The following COL9A1 variants were observed in gnomAD, a reference collection of about 807,000 sequenced individuals.
The protein encoded by COL9A1 is collagen type IX alpha 1 chain.
A neutral mutation model predicts 142.6 loss-of-function variants in COL9A1; 104 were observed. That is an observed-to-expected ratio of 0.73 (90% CI 0.62 to 0.86). COL9A1 has a LOEUF of 0.86. Among genes scored for constraint, COL9A1 ranks in the 40% least tolerant of loss-of-function variants. The probability of loss-of-function intolerance (pLI) is 0.00; values close to 1 mark genes in which losing one functional copy is unlikely to be tolerated. For missense variants in COL9A1, 1,210 were observed against 1,176.6 expected (o/e 1.03, Z -0.42); for synonymous variants, 466 against 396.0 (o/e 1.18, Z -2.10).
chr6:70,250,428 A>G (rs1770869821), intron 28 of COL9A1, among the ~76,000 whole-genome samples: 1 of 152,190 alleles, frequency 6.6e-6, no homozygotes, highest in South Asian at 2.1e-4. Context: ...TGTGGAAAGT[A>G]TTTTAATTAG....
rs1405483558 is a variant in COL9A1 at position 70,216,207 on chromosome 6, A to G, written c.*690T>C. The stretch of plus-strand genomic sequence containing the variant: ...TTAAAATAAATAATCTCATCAATAA[A>G]ATTTATGAATGCCAGAGTATTAAAA... On this transcript the variant is annotated 3_prime_UTR_variant, in exon 38 of 38. Coordinates refer to ENST00000357250, the MANE Select transcript of COL9A1 (RefSeq NM_001851.6). 1 of 152,652 alleles carries G rather than the reference A, an allele frequency of 6.6e-6. No individual in the cohort carries two copies. Among genetic ancestry groups the G allele is most frequent in the East Asian group, 1.9e-4 (1 of 5,202 alleles). The allele number at this position is 152,652 out of a possible 1,614,324, so 9.5% of individuals were successfully genotyped here. A position where few individuals can be genotyped will look rare whatever the true frequency, so the allele number is the denominator to read the frequency against.
In COL9A1 at chr6:70,263,272, A is replaced by G; in HGVS notation, c.1367T>C (p.Leu456Pro). Residue 456 changes from leucine to proline, a missense_variant, in exon 19 of 38, where the codon CTC becomes CCC. Physicochemically the swap from Leu to Pro is moderately conservative, Grantham distance 98 (BLOSUM62 -3). Coordinates refer to ENST00000357250, the MANE Select transcript of COL9A1 (RefSeq NM_001851.6). ...AGGTCCTTGAGCTCCAACTTCTCCG[A>G]GTTCTCCCTGGTCACCTTCTTCACC... is the stretch of plus-strand genomic sequence containing the variant. ...HKGEEGDQGE[L>P]GEVGAQGPPG... 2 of 1,609,714 alleles carry G rather than the reference A, an allele frequency of 1.2e-6. No homozygotes were observed. The highest frequency in any genetic ancestry group is 1.7e-6 in the Non-Finnish European group (2 of 1,177,764).
intron 4 of COL9A1, among the ~76,000 whole-genome samples, chr6:70,296,364 T>C (rs1359664110): frequency 2.0e-5 from 3 of 152,260 alleles, no homozygotes; most frequent in Non-Finnish European, 2.9e-5. Context: ...AAGTTTTCAG[T>C]TCACTACCTA....
At position 70,263,828 on chromosome 6, in the gene COL9A1, C is replaced by T. The variant is rs75429106; in HGVS notation, c.1342-531G>A. Among the ~76,000 whole-genome samples, 786 of 151,818 alleles carry T rather than the reference C, an allele frequency of 5.2e-3. 10 individuals carry two copies. Among genetic ancestry groups the T allele is most frequent in the African/African-American group, 0.018 (739 of 41,478 alleles). ...TCAGCCATTTCTTTCATGGGTTATA[C>T]CTCCTGATGTCACTCATAGAAAAGC... On this transcript the variant is annotated intron_variant, in intron 18 of 37. Transcript: ENST00000357250.
At chr6:70,293,629 T>A (rs1583346323) in intron 5 of COL9A1, among the ~76,000 whole-genome samples, 2 of 102,610 alleles carry the variant, frequency 1.9e-5, no homozygotes, top group Admixed American at 1.0e-4. Flanking sequence ...TCTCTCTCTC[T>A]TTCACACACA....
At chr6:70,235,048 T>C (rs1769819080) in intron 33 of COL9A1, 108 bp from the exon 34 acceptor site, 1 of 1,345,000 alleles carries the variant, frequency 7.4e-7, no homozygotes, top group Non-Finnish European at 1.0e-6. Context: ...GCACTCTGCA[T>C]CCTAACAGGT....
chr6:70,283,385 G>T, intron 6 of COL9A1: 1 of 776,484 alleles, frequency 1.3e-6, no homozygotes, highest in Non-Finnish European at 2.0e-6. Flanking sequence ...GCAGCTTCTG[G>T]CTGTCCTCGG....
At chr6:70,263,326 A>G (rs757614672) in intron 18 of COL9A1, 29 bp from the exon 19 acceptor site, 1 of 1,593,754 alleles carries the variant, frequency 6.3e-7, no homozygotes, top group Admixed American at 1.7e-5. Flanking sequence ...AAAGAAAAGC[A>G]CACCAAATGT....
At position 70,240,751 on chromosome 6, in the gene COL9A1, A is replaced by G. The variant is rs1428282304; in HGVS notation, c.2035-18T>C. 1.2e-6 allele frequency: 2 copies of G among 1,607,560 alleles called. No homozygotes were observed. Among genetic ancestry groups the G allele is most frequent in the East Asian group, 4.5e-5 (2 of 44,822 alleles). ...GAGGCACCCTAAAAATTAAGATAAA[A>G]GGTTACATTTTAAAATTCTTAGTCC... On this transcript the variant is annotated intron_variant, in intron 31 of 37. Transcript: ENST00000357250.
intron 10 of COL9A1, chr6:70,279,466 C>A (rs1034260486): frequency 2.0e-5 from 3 of 152,022 alleles, no homozygotes; most frequent in East Asian, 3.9e-4. Context: ...ATGGGTGAAA[C>A]CCCATCTCTA....
At chr6:70,256,397 A>C (rs1396965209) in intron 21 of COL9A1, among the ~76,000 whole-genome samples, 2 of 152,222 alleles carry the variant, frequency 1.3e-5, no homozygotes, top group Non-Finnish European at 2.9e-5. Context: ...GACATATGGC[A>C]ATCAAAATGT....
At chr6:70,290,309 G>T (rs2127602997) in intron 5 of COL9A1, among the ~76,000 whole-genome samples, 1 of 152,188 alleles carries the variant, frequency 6.6e-6, no homozygotes, top group East Asian at 1.9e-4. Flanking sequence ...ATGGTATGCT[G>T]CCAGGAAACC....
Position 70,302,006 on chromosome 6 carries a change from C to T in COL9A1, c.83G>A (p.Arg28His), listed in dbSNP as rs778243284. The change falls in exon 2 of 38, where the codon CGC becomes CAC. Residue 28 changes from arginine (R) to histidine (H), a missense_variant. By Grantham distance (29) the Arg-to-His change is conservative. Transcript: ENST00000357250. ...CTAGAAACTATGGCCCTTACTGGGG[C>T]GACGCTTGACAGCTGCAGATGCCCA... ...EPWASAAVKR[R>H]PRFPVNSNSN... The T allele has an allele frequency of 3.3e-5, 53 of 1,609,728 alleles. No individual in the cohort carries two copies. In the Admixed American group the frequency reaches 5.4e-4, roughly 16 times the overall value.
chr6:70,237,561 A>C lies in COL9A1; in HGVS notation c.2112+1693T>G, dbSNP rs565808496. ...AGCTAATTCCTAATACTATATGCAAATTTGAATGCAATTAACTTATTCTTG... is the reference window on the plus strand; with the variant it reads ...AGCTAATTCCTAATACTATATGCAACTTTGAATGCAATTAACTTATTCTTG... On this transcript the variant is annotated intron_variant, in intron 33 of 37. Coordinates refer to ENST00000357250, the MANE Select transcript of COL9A1 (RefSeq NM_001851.6). 3.3e-5 allele frequency among the ~76,000 whole-genome samples: 5 copies of C among 152,326 alleles called. No homozygotes were observed. In the South Asian group the frequency reaches 1.0e-3, roughly 32 times the overall value.
chr6:70,266,632 T>A (rs930775911), intron 18 of COL9A1, 85 bp downstream of exon 18: 6 of 1,099,764 alleles, frequency 5.5e-6, no homozygotes, highest in Non-Finnish European at 8.4e-6. Flanking sequence ...AGGTTCATTA[T>A]TTCCTATAAT....
At chr6:70,267,319 G>GTT (rs1050364230) in intron 17 of COL9A1, among the ~76,000 whole-genome samples, 13 of 99,696 alleles carry the variant, frequency 1.3e-4, no homozygotes, top group African/African-American at 5.3e-4. Context: ...TGTTTGTTTG[G>GTT]TTTTTTTGTT....
In COL9A1 at chr6:70,283,093, CCT is replaced by C; in HGVS notation, c.781-177_781-176del. The C allele has an allele frequency of 1.9e-6, 3 of 1,543,002 alleles. No individual in the cohort carries two copies. In the South Asian group the frequency reaches 3.5e-5, roughly 18 times the overall value. On this transcript the variant is annotated intron_variant, in intron 6 of 37. Coordinates refer to ENST00000357250, the MANE Select transcript of COL9A1 (RefSeq NM_001851.6). ...CTAATCCCTTGGCCCGGCTCTGCAG[CCT>C]GGTTCCCCTCTAGGCTTCCAGACCC... is the stretch of plus-strand genomic sequence containing the variant.
Position 70,253,388 on chromosome 6 carries a change from T to C in COL9A1, c.1761A>G (p.Glu587=). 6.3e-7 allele frequency: 1 copy of C among 1,597,568 alleles called. No homozygotes were observed. The highest frequency in any genetic ancestry group is 8.6e-7 in the Non-Finnish European group (1 of 1,166,888). The change falls in exon 26 of 38, where the codon GAA becomes GAG. Residue 587 remains glutamate (E), a synonymous_variant. Coordinates refer to ENST00000357250, the MANE Select transcript of COL9A1 (RefSeq NM_001851.6). ...GIPGAKGVAG[E]KGSTGAPGKP... ...CTTAAATTTTAAAATATTTTACCTT[T>C]TCACCAGCAACACCCTTTGCACCAG...
At chr6:70,224,349 C>G (rs1380650635) in intron 37 of COL9A1, among the ~76,000 whole-genome samples, 1 of 152,184 alleles carries the variant, frequency 6.6e-6, no homozygotes, top group Non-Finnish European at 1.5e-5. Flanking sequence ...GTGCTTCTGA[C>G]AGTCTGGGAC....
Sources: allele counts gnomAD v4.1 joint callset (sites outside exome capture counted in the v4.1 genomes callset), GRCh38; gene constraint gnomAD v4.1.1; transcripts MANE v1.5; gene names NCBI Gene and HGNC (gene_info 2026-07-23, HGNC 2026-07-21).